Variants in ANKS1B observed in about 807,000 individuals in gnomAD.
The protein encoded by ANKS1B is ankyrin repeat and sterile alpha motif domain containing 1B.
A neutral mutation model predicts 148.3 loss-of-function variants in ANKS1B; 36 were observed. The ratio of observed to expected loss-of-function variants is 0.24; its 90% CI spans 0.19 to 0.32. ANKS1B has a LOEUF of 0.32. ANKS1B is among the 10% of genes least tolerant of loss of function. ANKS1B has a pLI of 1.00. For synonymous variants in ANKS1B, 542 were observed against 560.8 expected, an observed-to-expected ratio of 0.97 and a Z score of 0.47; for missense variants, 1,157 against 1,542.6, an observed-to-expected ratio of 0.75 and a Z score of 4.19.
At chr12:99,135,248 A>G (rs2067619035) in intron 15 of ANKS1B, among the ~76,000 whole-genome samples, 1 of 152,216 alleles carries the variant, frequency 6.6e-6, no homozygotes, top group African/African-American at 2.4e-5. Flanking sequence ...GAGTTGGTAA[A>G]TGTGAGCACA....
At chr12:98,853,412 C>T (rs973305199) in intron 17 of ANKS1B, among the ~76,000 whole-genome samples, 6 of 152,122 alleles carry the variant, frequency 3.9e-5, no homozygotes, top group Admixed American at 2.0e-4. Flanking sequence ...CCATGGAGAG[C>T]GTGATGATGT....
chr12:99,505,002 C>T (rs901321695), intron 9 of ANKS1B, among the ~76,000 whole-genome samples: 3 of 152,012 alleles, frequency 2.0e-5, no homozygotes, highest in African/African-American at 7.2e-5. Flanking sequence ...CGGAGACACC[C>T]ATATAACTCA....
intron 14 of ANKS1B, among the ~76,000 whole-genome samples, chr12:99,181,196 T>C (rs147414334): frequency 6.6e-6 from 1 of 152,296 alleles, no homozygotes; most frequent in East Asian, 1.9e-4. Context: ...TGTTCTGTTA[T>C]AGGGATGTTA....
At chr12:99,199,634 G>A (rs1408970470) in intron 14 of ANKS1B, among the ~76,000 whole-genome samples, 2 of 152,068 alleles carry the variant, frequency 1.3e-5, no homozygotes. Flanking sequence ...CTTAGAAAAT[G>A]AGAAAGACAT....
At chr12:99,436,556 T>C (rs1053988990) in intron 11 of ANKS1B, among the ~76,000 whole-genome samples, 1 of 152,080 alleles carries the variant, frequency 6.6e-6, no homozygotes, top group Non-Finnish European at 1.5e-5. Flanking sequence ...TCATTTCTAA[T>C]TTTAAAATTT....
chr12:99,641,841 A>G (rs1453696611), intron 9 of ANKS1B, among the ~76,000 whole-genome samples: 1 of 152,166 alleles, frequency 6.6e-6, no homozygotes, highest in East Asian at 1.9e-4. Context: ...ATTGTTGCTA[A>G]AAGAAGCTAT....
At chr12:99,879,861 CA>C (rs1157169549) in intron 1 of ANKS1B, among the ~76,000 whole-genome samples, 19 of 152,114 alleles carry the variant, frequency 1.2e-4, no homozygotes, top group African/African-American at 4.6e-4. Context: ...TAGATATGAA[CA>C]AAATATGCTC....
At chr12:99,121,323 G>GTGTGTGTGTGTGTGTA (rs2062806834) in intron 15 of ANKS1B, among the ~76,000 whole-genome samples, 3 of 123,246 alleles carry the variant, frequency 2.4e-5, no homozygotes, top group Admixed American at 2.4e-4. Context: ...ATGTAGGTAT[G>GTGTGTGTGTGTGTGTA]TGTGTGTGTG....
chr12:99,725,736 G>C (rs745630749), intron 8 of ANKS1B, among the ~76,000 whole-genome samples: 12 of 152,086 alleles, frequency 7.9e-5, no homozygotes, highest in Non-Finnish European at 1.3e-4. Context: ...TTCTCAAATT[G>C]ACCACAAAAT....
intron 1 of ANKS1B, among the ~76,000 whole-genome samples, chr12:99,857,968 C>G (rs999305464): frequency 5.9e-5 from 9 of 152,080 alleles, no homozygotes; most frequent in East Asian, 1.9e-4. Flanking sequence ...TTCTAGACAT[C>G]AGCTTAGGCA....
intron 9 of ANKS1B, among the ~76,000 whole-genome samples, chr12:99,553,390 G>A (rs1370589447): frequency 1.3e-5 from 2 of 151,998 alleles, no homozygotes; most frequent in Non-Finnish European, 2.9e-5. Flanking sequence ...TTAGATGAGA[G>A]GATTTGGAAG....
chr12:99,282,441 G>C (rs1466604862), intron 12 of ANKS1B, among the ~76,000 whole-genome samples: 1 of 152,160 alleles, frequency 6.6e-6, no homozygotes, highest in Admixed American at 6.5e-5. Flanking sequence ...AAACCTTGGA[G>C]GGTTTGGGGG....
chr12:99,484,102 G>GTGC (rs2096454496), intron 10 of ANKS1B, among the ~76,000 whole-genome samples: 1 of 151,848 alleles, frequency 6.6e-6, no homozygotes. Context: ...GTTAAAATTT[G>GTGC]TGCCCTTCCA....
intron 12 of ANKS1B, among the ~76,000 whole-genome samples, chr12:99,324,841 G>C (rs1199251397): frequency 6.6e-6 from 1 of 152,036 alleles, no homozygotes; most frequent in Non-Finnish European, 1.5e-5. Flanking sequence ...AGAGTTGAAA[G>C]GAGCTTAGCT....
Position 99,240,040 on chromosome 12 carries a change from T to C in ANKS1B, c.2419+4302A>G, listed in dbSNP as rs529509259. 4.6e-5 allele frequency among the ~76,000 whole-genome samples: 7 copies of C among 152,134 alleles called. No individual in the cohort carries two copies. The South Asian group carries it at 1.5e-3, about 32-fold the overall frequency. On this transcript the variant is annotated intron_variant, in intron 14 of 26. Transcript: ENST00000683438. ...GCAAAATAACCAGCTAACATAATGATAGGGTCAAATTCAAAGATAACAATA... is the reference window on the plus strand; with the variant it reads ...GCAAAATAACCAGCTAACATAATGACAGGGTCAAATTCAAAGATAACAATA...
chr12:99,881,603 A>C (rs1269684089), intron 1 of ANKS1B, among the ~76,000 whole-genome samples: 1 of 152,188 alleles, frequency 6.6e-6, no homozygotes, highest in African/African-American at 2.4e-5. Context: ...ACATACAGAG[A>C]TATGATCTTG....
intron 14 of ANKS1B, among the ~76,000 whole-genome samples, chr12:99,243,423 T>A (rs556516623): frequency 3.3e-4 from 50 of 152,190 alleles, no homozygotes; most frequent in Non-Finnish European, 3.4e-4. Flanking sequence ...TTTTACACTG[T>A]TTGTGGGAGC....
At chr12:99,156,549 C>T (rs2076076088) in intron 14 of ANKS1B, among the ~76,000 whole-genome samples, 1 of 152,148 alleles carries the variant, frequency 6.6e-6, no homozygotes, top group South Asian at 2.1e-4. Context: ...CACTTTTCCA[C>T]TGCCCCAGAC....
chr12:99,369,820 A>AGACG (rs1464476161), intron 12 of ANKS1B, among the ~76,000 whole-genome samples: 8 of 148,282 alleles, frequency 5.4e-5, no homozygotes, highest in East Asian at 2.0e-4. Context: ...ACGGACGGAC[A>AGACG]GACGGACGGA....
Sources: allele counts gnomAD v4.1 joint callset (sites outside exome capture counted in the v4.1 genomes callset), GRCh38; gene constraint gnomAD v4.1.1; transcripts MANE v1.5; gene names NCBI Gene and HGNC (gene_info 2026-07-23, HGNC 2026-07-21).